GET3: variants seen among roughly 807,000 people sequenced by gnomAD.
GET3 encodes guided entry of tail-anchored proteins factor 3, ATPase.
In GET3, 15 loss-of-function variants were observed where a neutral mutation model predicts 32.4. The ratio of observed to expected loss-of-function variants is 0.46; its 90% CI spans 0.31 to 0.71. GET3 has a LOEUF of 0.71. Among genes scored for constraint, GET3 ranks in the 30% least tolerant of loss-of-function variants. The pLI is 0.05. For synonymous variants in GET3, 198 were observed against 185.6 expected (o/e 1.07, Z -0.54); for missense variants, 333 against 459.0 (o/e 0.73, Z 2.51).
intron 4 of GET3, among the ~76,000 whole-genome samples, chr19:12,746,623 C>T (rs1038798097): frequency 6.6e-6 from 1 of 152,198 alleles, no homozygotes; most frequent in Admixed American, 6.5e-5. Flanking sequence ...TGCTTCAGCT[C>T]ATCTGGTACA....
At position 12,745,549 on chromosome 19, in the gene GET3, G is replaced by A. The variant is rs1391835225; in HGVS notation, c.458+24G>A. 1 of 1,612,670 alleles carries A rather than the reference G, an allele frequency of 6.2e-7. No individual in the cohort carries two copies. Among genetic ancestry groups the A allele is most frequent in the Admixed American group, 1.7e-5 (1 of 60,008 alleles). On this transcript the variant is annotated intron_variant, in intron 3 of 6. Coordinates refer to ENST00000357332, the MANE Select transcript of GET3 (RefSeq NM_004317.4). The surrounding 1 kb of genome is among the most constrained non-coding windows in gnomAD (Gnocchi z 5.0). The stretch of plus-strand genomic sequence containing the variant: ...AGGTCAGGCCCAGCCAGCAGGGGTG[G>A]GGGCTGCCTGGGGAAGGGGAAGAGC...
At chr19:12,739,818 C>T (rs956043020) in intron 2 of GET3, among the ~76,000 whole-genome samples, 10 of 151,496 alleles carry the variant, frequency 6.6e-5, no homozygotes, top group Non-Finnish European at 1.0e-4. Context: ...CCAAGGTGGG[C>T]GGATCACTTG....
intron 2 of GET3, among the ~76,000 whole-genome samples, chr19:12,744,219 GAA>G (rs59206366): frequency 0.03 from 3,806 of 126,624 alleles, 168 homozygotes; most frequent in African/African-American, 0.1. Context: ...TCCATCTCGG[GAA>G]AAAAAAAAAA....
chr19:12,747,901 C>T lies in GET3; in HGVS notation c.916-72C>T, dbSNP rs904528169. 6.8e-6 allele frequency: 10 copies of T among 1,463,216 alleles called. No individual in the cohort carries two copies. Among genetic ancestry groups the T allele is most frequent in the Non-Finnish European group, 9.3e-6 (10 of 1,077,908 alleles). 90.6% of individuals were successfully genotyped at this position (1,463,216 alleles called of 1,614,324 possible). A position where few individuals can be genotyped will look rare whatever the true frequency, so the allele number is the denominator to read the frequency against. ...TGGAAGCTTTCTAGCTTTACCGCTT[C>T]TATTGATCCACACTCTGTCTCTGCC... On this transcript the variant is annotated intron_variant, in intron 6 of 6. Transcript: ENST00000357332. The surrounding 1 kb of genome is among the most constrained non-coding windows in gnomAD (Gnocchi z 4.0).
chr19:12,747,936 C>A lies in GET3; in HGVS notation c.916-37C>A, dbSNP rs774616755. 1.9e-6 allele frequency: 3 copies of A among 1,554,876 alleles called. No homozygotes were observed. Among genetic ancestry groups the A allele is most frequent in the South Asian group, 2.4e-5 (2 of 83,406 alleles). On this transcript the variant is annotated intron_variant, in intron 6 of 6. Transcript: ENST00000357332. The surrounding 1 kb of genome is among the most constrained non-coding windows in gnomAD (Gnocchi z 4.0). ...ACACTCTGTCTCTGCCTTCCTGCCCCCTGACCACTGCCTTCTACCCTCTGC... is the reference window on the plus strand; with the variant it reads ...ACACTCTGTCTCTGCCTTCCTGCCCACTGACCACTGCCTTCTACCCTCTGC...
rs1242802626 is a variant in GET3 at position 12,748,088 on chromosome 19, C to T, written c.1031C>T (p.Pro344Leu). The T allele has an allele frequency of 8.8e-6, 14 of 1,599,600 alleles. No individual in the cohort carries two copies. Among genetic ancestry groups the T allele is most frequent in the Non-Finnish European group, 1.0e-5 (12 of 1,170,366 alleles). Residue 344 changes from proline (P) to leucine (L), a missense_variant, in exon 7 of 7, where the codon CCC becomes CTC. By Grantham distance (98) the Pro-to-Leu change is moderately conservative (BLOSUM62 -3). This residue lies in a region of GET3 where 39 missense variants were observed against 33.0 expected (regional missense o/e 1.18). Coordinates refer to ENST00000357332, the MANE Select transcript of GET3 (RefSeq NM_004317.4). ...GCCCTCCTCCTGGAGCCCTACAAGC[C>T]CCCCAGTGCCCAGTAGCACAGCTGC... ...FSALLLEPYK[P>L]PSAQ
chr19:12,745,762 AGGC>A lies in GET3; in HGVS notation c.609+9_609+11del. On this transcript the variant is annotated splice_donor_5th_base_variant and intron_variant, in intron 4 of 6. Transcript: ENST00000357332. This position sits in a 1 kb window ranked among gnomAD's most constrained non-coding sequence, Gnocchi z 5.0. ...AGATCAGCCCTTTCATCTCACAGGC[AGGC>A]GGCGGGGGCCCCCACCTGCACCATC... 2.5e-6 allele frequency: 4 copies of A among 1,601,920 alleles called. No homozygotes were observed. The highest frequency in any genetic ancestry group is 3.4e-6 in the Non-Finnish European group (4 of 1,174,780).
At chr19:12,739,732 T>C (rs1967631276) in intron 2 of GET3, among the ~76,000 whole-genome samples, 1 of 152,098 alleles carries the variant, frequency 6.6e-6, no homozygotes, top group Admixed American at 6.6e-5. Context: ...GAAGTCACTG[T>C]CTCAAGGGTG....
At position 12,746,396 on chromosome 19, in the gene GET3, G is replaced by C. The variant is rs566796378; in HGVS notation, c.609+637G>C. On this transcript the variant is annotated intron_variant, in intron 4 of 6. Coordinates refer to ENST00000357332, the MANE Select transcript of GET3 (RefSeq NM_004317.4). Reference sequence around the variant, plus strand: ...AGTACACCCACTTCGACCTCCCAGAGTGCTGGGATTACAGGCATGAGCCAC... The same window carrying C: ...AGTACACCCACTTCGACCTCCCAGACTGCTGGGATTACAGGCATGAGCCAC... 2.6e-5 allele frequency among the ~76,000 whole-genome samples: 4 copies of C among 152,244 alleles called. No homozygotes were observed. The South Asian group carries it at 8.3e-4, about 32-fold the overall frequency.
At chr19:12,740,389 A>C (rs1299337726) in intron 2 of GET3, among the ~76,000 whole-genome samples, 1 of 150,248 alleles carries the variant, frequency 6.7e-6, no homozygotes, top group African/African-American at 2.5e-5. Flanking sequence ...TCAAAAAAAT[A>C]ATAAAGGCCG....
At chr19:12,738,172 A>T (rs1304204451) in intron 1 of GET3, among the ~76,000 whole-genome samples, 2 of 151,884 alleles carry the variant, frequency 1.3e-5, no homozygotes, top group Admixed American at 6.6e-5. Context: ...AATGCAGGAG[A>T]CCCCTTAGCT....
chr19:12,744,938 GAGAA>G (rs1241256781), intron 2 of GET3, among the ~76,000 whole-genome samples: 1 of 152,092 alleles, frequency 6.6e-6, no homozygotes, highest in Non-Finnish European at 1.5e-5. Context: ...AAACCTTAAG[GAGAA>G]AGGAAGGCAG....
chr19:12,738,589 A>C lies in GET3; in HGVS notation c.240A>C (p.Ser80=). 1 of 1,613,624 alleles carries C rather than the reference A, an allele frequency of 6.2e-7. No individual in the cohort carries two copies. Among genetic ancestry groups the C allele is most frequent in the Non-Finnish European group, 8.5e-7 (1 of 1,179,536 alleles). ...IISTDPAHNI[S]DAFDQKFSKV... ...CCACAGACCCAGCACACAACATCTC[A>C]GATGCTTTTGACCAGAAGTTCTCAA... is the stretch of plus-strand genomic sequence containing the variant. Residue 80 remains serine (S), a synonymous_variant, in exon 2 of 7, where the codon TCA becomes TCC. Transcript: ENST00000357332.
intron 2 of GET3, among the ~76,000 whole-genome samples, chr19:12,744,965 G>A (rs1405732499): frequency 3.9e-5 from 6 of 152,030 alleles, no homozygotes; most frequent in Admixed American, 3.3e-4. Context: ...CAGGGGTGTC[G>A]GTGGATCTGT....
rs778735265 is a variant in GET3, at chr19:12,739,170, GT to G, written c.309+526del. Reference sequence around the variant, plus strand: ...TGGGGGAGAAGTAGTCAGACTTGAGGTTTTTTTTTTTTTTAGACACTCAAGA... The same window carrying G: ...TGGGGGAGAAGTAGTCAGACTTGAGGTTTTTTTTTTTTTAGACACTCAAGA... On this transcript the variant is annotated intron_variant, in intron 2 of 6. Transcript: ENST00000357332. Among the ~76,000 whole-genome samples the G allele has an allele frequency of 8.4e-3, 1,202 of 142,818 alleles. 10 individuals carry two copies. Among genetic ancestry groups the G allele is most frequent in the Middle Eastern group, 0.026 (7 of 272 alleles). The allele number at this position is 142,818 out of a possible 152,430, so 93.7% of individuals were successfully genotyped here. A position where few individuals can be genotyped will look rare whatever the true frequency, so the allele number is the denominator to read the frequency against.
At position 12,737,517 on chromosome 19, in the gene GET3, G is replaced by A. The variant is rs754451303; in HGVS notation, c.12G>A (p.Gly4=). The change falls in exon 1 of 7, where the codon GGG becomes GGA. Residue 4 remains glycine, a synonymous_variant. Transcript: ENST00000357332. The part of the protein sequence containing the change: MAA[G]VAGWGVEAEE... Reference sequence around the variant, plus strand: ...GAGCCAGTTCCAAAATGGCGGCAGGGGTGGCCGGGTGGGGGGTTGAGGCAG... The same window carrying A: ...GAGCCAGTTCCAAAATGGCGGCAGGAGTGGCCGGGTGGGGGGTTGAGGCAG... The A allele has an allele frequency of 9.0e-6, 14 of 1,559,460 alleles. No homozygotes were observed. The highest frequency in any genetic ancestry group is 2.4e-5 in the East Asian group (1 of 41,384).
rs1277319120 is a variant in GET3, at chr19:12,737,587, C to T, written c.82C>T (p.Leu28Phe). Residue 28 changes from leucine to phenylalanine, a missense_variant, in exon 1 of 7, where the codon CTT becomes TTT. Leu to Phe is a conservative substitution (Grantham distance 22). Coordinates refer to ENST00000357332, the MANE Select transcript of GET3 (RefSeq NM_004317.4). ...APDVEPLEPT[L>F]SNIIEQRSLK... ...TGATGTGGAGCCGCTGGAGCCTACA[C>T]TTAGCAACATCATCGAGCAGCGCAG... 1.9e-6 allele frequency: 3 copies of T among 1,612,350 alleles called. No individual in the cohort carries two copies.
At chr19:12,738,445 C>T in intron 1 of GET3, 66 bp from the exon 2 acceptor site, 1 of 1,593,744 alleles carries the variant, frequency 6.3e-7, no homozygotes, top group Non-Finnish European at 8.5e-7. Flanking sequence ...CTACCACTCC[C>T]CTTGCAGACC....
chr19:12,738,092 A>T (rs1967606357), intron 1 of GET3, among the ~76,000 whole-genome samples: 1 of 152,154 alleles, frequency 6.6e-6, no homozygotes, highest in Non-Finnish European at 1.5e-5. Flanking sequence ...CCAGGCAGCT[A>T]CAGGCAGGAG....
Sources: gnomAD v4.1 joint callset for allele counts (sites outside exome capture counted in the v4.1 genomes callset) on GRCh38, gnomAD v4.1.1 for gene constraint, gnomAD v4.1.1 regional missense constraint, Gnocchi (gnomAD v3.1) non-coding constraint, MANE v1.5 for transcripts, NCBI Gene and HGNC (gene_info 2026-07-23, HGNC 2026-07-21) for gene names.